Variants in ATRNL1 observed in about 807,000 individuals in gnomAD.
The protein encoded by ATRNL1 is attractin-like protein 1.
In ATRNL1, 95 loss-of-function variants were observed where a neutral mutation model predicts 182.7. That is an observed-to-expected ratio of 0.52 (90% CI 0.44 to 0.62). The LOEUF is 0.62. Ranked by LOEUF, ATRNL1 falls within the 20% of genes least tolerant of loss-of-function variation. The pLI, the probability that ATRNL1 is intolerant of heterozygous loss-of-function variation, is 0.00. For synonymous variants in ATRNL1, 576 were observed against 568.3 expected, an observed-to-expected ratio of 1.01 and a Z score of -0.19; for missense variants, 1,471 against 1,679.5, an observed-to-expected ratio of 0.88 and a Z score of 2.17.
In ATRNL1 at chr10:115,907,648, A is replaced by C. The variant is rs375951139; in HGVS notation, c.4019-37010A>C. 9.2e-5 allele frequency among the ~76,000 whole-genome samples: 14 copies of C among 152,292 alleles called. No homozygotes were observed. The East Asian group carries it at 2.3e-3, about 25-fold the overall frequency. On this transcript the variant is annotated intron_variant, in intron 28 of 28. Transcript: ENST00000355044. ...AATTGCTCACTTCATTAGAATTCCCAAGTAAGCAGGATCATTGCAGAATAA... is the reference window on the plus strand; with the variant it reads ...AATTGCTCACTTCATTAGAATTCCCCAGTAAGCAGGATCATTGCAGAATAA...
chr10:115,376,302 A>T (rs974818254), intron 19 of ATRNL1, among the ~76,000 whole-genome samples: 3 of 150,934 alleles, frequency 2.0e-5, no homozygotes, highest in Non-Finnish European at 4.4e-5. Flanking sequence ...TTATTTATTT[A>T]TTTTTGAGAC....
chr10:115,455,223 A>G (rs2134502616), intron 21 of ATRNL1, among the ~76,000 whole-genome samples: 1 of 152,244 alleles, frequency 6.6e-6, no homozygotes, highest in Admixed American at 6.6e-5. Flanking sequence ...CCATCCTTGT[A>G]TCTCAGAGAT....
At chr10:115,837,441 C>T (rs1455303923) in intron 27 of ATRNL1, among the ~76,000 whole-genome samples, 3 of 134,776 alleles carry the variant, frequency 2.2e-5, no homozygotes, top group African/African-American at 9.1e-5. Flanking sequence ...GAGGAGACAG[C>T]TAGTAAGCAA....
intron 22 of ATRNL1, among the ~76,000 whole-genome samples, chr10:115,465,714 T>C (rs1365083650): frequency 2.0e-5 from 3 of 151,548 alleles, no homozygotes; most frequent in Admixed American, 6.6e-5. Flanking sequence ...GTATTTAAAA[T>C]CCAAGGTTTT....
rs150486997 is a variant in ATRNL1, at chr10:115,262,623, A to G, written c.1688-2570A>G. 6.6e-3 allele frequency among the ~76,000 whole-genome samples: 1,004 copies of G among 152,150 alleles called. 10 individuals carry two copies. The highest frequency in any genetic ancestry group is 0.023 in the African/African-American group (949 of 41,564). On this transcript the variant is annotated intron_variant, in intron 10 of 28. Coordinates refer to ENST00000355044, the MANE Select transcript of ATRNL1 (RefSeq NM_207303.4). ...AAGATGCTGTAGCATGGAAGAATAT[A>G]TGGTAATACATATAGCCAGCAAAGG...
At chr10:115,169,275 T>A (rs1324755339) in intron 7 of ATRNL1, among the ~76,000 whole-genome samples, 1 of 151,106 alleles carries the variant, frequency 6.6e-6, no homozygotes, top group Non-Finnish European at 1.5e-5. Flanking sequence ...AGTGTAATCT[T>A]GGCTCACTGC....
rs567580831 is a variant in ATRNL1 at position 115,578,068 on chromosome 10, T to C, written c.3795+28532T>C. Among the ~76,000 whole-genome samples, 15 of 152,026 alleles carry C rather than the reference T, an allele frequency of 9.9e-5. No homozygotes were observed. The East Asian group carries it at 2.9e-3, about 29-fold the overall frequency. On this transcript the variant is annotated intron_variant, in intron 26 of 28. Transcript: ENST00000355044. ...GTTGTGTCACATATATTGATTTGTG[T>C]ATGTTAAAGCAAACTTGCTTCCCAA...
chr10:115,326,621 G>A (rs1478509981), intron 18 of ATRNL1, among the ~76,000 whole-genome samples: 4 of 151,786 alleles, frequency 2.6e-5, no homozygotes, highest in African/African-American at 7.3e-5. Context: ...AGCCCACATC[G>A]CCAAGTCAAT....
intron 1 of ATRNL1, among the ~76,000 whole-genome samples, chr10:115,098,174 TTGAG>T (rs2085063171): frequency 6.6e-6 from 1 of 152,148 alleles, no homozygotes; most frequent in Non-Finnish European, 1.5e-5. Context: ...ATAATTTAAA[TTGAG>T]TGTTTCTTAG....
chr10:115,771,955 C>G (rs1432935538), intron 27 of ATRNL1, among the ~76,000 whole-genome samples: 2 of 152,174 alleles, frequency 1.3e-5, no homozygotes, highest in Non-Finnish European at 2.9e-5. Context: ...CTTGGATAAC[C>G]ACTGTTTAGA....
chr10:115,670,676 C>G (rs1372435006), intron 26 of ATRNL1, among the ~76,000 whole-genome samples: 1 of 152,048 alleles, frequency 6.6e-6, no homozygotes, highest in Non-Finnish European at 1.5e-5. Flanking sequence ...ATACTTTACT[C>G]TTTCTCAACA....
intron 27 of ATRNL1, among the ~76,000 whole-genome samples, chr10:115,779,458 A>G (rs1318159736): frequency 6.6e-6 from 1 of 152,192 alleles, no homozygotes; most frequent in Non-Finnish European, 1.5e-5. Context: ...TGTCACTCAC[A>G]TATCTGGTCT....
At chr10:115,227,570 A>C (rs1486205376) in intron 9 of ATRNL1, among the ~76,000 whole-genome samples, 1 of 152,170 alleles carries the variant, frequency 6.6e-6, no homozygotes, top group Non-Finnish European at 1.5e-5. Context: ...GGGTATATGC[A>C]CAAAGGGAAA....
intron 26 of ATRNL1, among the ~76,000 whole-genome samples, chr10:115,669,680 A>G (rs1356305260): frequency 6.6e-6 from 1 of 152,094 alleles, no homozygotes; most frequent in Non-Finnish European, 1.5e-5. Flanking sequence ...TAAATCATGT[A>G]TATATTCACT....
chr10:115,745,295 C>A (rs1295868214), intron 27 of ATRNL1, among the ~76,000 whole-genome samples: 1 of 151,996 alleles, frequency 6.6e-6, no homozygotes, highest in African/African-American at 2.4e-5. Context: ...TCCAACCATG[C>A]CATTACGTAT....
intron 5 of ATRNL1, among the ~76,000 whole-genome samples, chr10:115,140,345 A>G (rs533225068): frequency 2.2e-4 from 33 of 152,188 alleles, no homozygotes; most frequent in Non-Finnish European, 4.0e-4. Context: ...AAACAAATAA[A>G]AAATTCAAAT....
chr10:115,659,373 G>A (rs531482253), intron 26 of ATRNL1, among the ~76,000 whole-genome samples: 1 of 151,800 alleles, frequency 6.6e-6, no homozygotes, highest in Non-Finnish European at 1.5e-5. Flanking sequence ...TTATCTGCTT[G>A]GTGTTTCCAT....
At chr10:115,566,944 T>A (rs1854109611) in intron 26 of ATRNL1, among the ~76,000 whole-genome samples, 1 of 152,154 alleles carries the variant, frequency 6.6e-6, no homozygotes, top group African/African-American at 2.4e-5. Context: ...ATGGCATACT[T>A]ATTGATGAAT....
At chr10:115,808,261 T>C (rs61866710) in intron 27 of ATRNL1, among the ~76,000 whole-genome samples, 2,619 of 152,308 alleles carry the variant, frequency 0.017, 27 homozygotes, top group South Asian at 0.027. Flanking sequence ...GTTTTCATGT[T>C]GGAAATGACA....
Sources: allele counts gnomAD v4.1 joint callset (sites outside exome capture counted in the v4.1 genomes callset), GRCh38; gene constraint gnomAD v4.1.1; transcripts MANE v1.5; gene names NCBI Gene and HGNC (gene_info 2026-07-23, HGNC 2026-07-21).